The following SLC24A2 variants were observed in gnomAD, a reference collection of about 807,000 sequenced individuals.
The protein encoded by SLC24A2 is solute carrier family 24 member 2.
In SLC24A2, 36 loss-of-function variants were observed where a neutral mutation model predicts 62.0. That is an observed-to-expected ratio of 0.58 (90% confidence interval 0.44 to 0.77). The LOEUF (loss-of-function observed/expected upper bound fraction) is 0.77. SLC24A2 is among the 30% of genes least tolerant of loss of function. The pLI is 0.00. For synonymous variants in SLC24A2, 358 were observed against 294.0 expected (o/e 1.22, Z -2.23); for missense variants, 846 against 817.9 (o/e 1.03, Z -0.42).
At chr9:20,057,244 C>A in the SLC24A2 span, among the ~76,000 whole-genome samples, 1 of 152,150 alleles carries the variant, frequency 6.6e-6, no homozygotes, top group Non-Finnish European at 1.5e-5. Context: ...TAAATTTGAG[C>A]GTGTGATGCT....
chr9:19,575,285 T>C (rs1467856352), intron 6 of SLC24A2, among the ~76,000 whole-genome samples: 1 of 152,198 alleles, frequency 6.6e-6, no homozygotes, highest in East Asian at 1.9e-4. Flanking sequence ...TAAAAAATCA[T>C]GAAGAACCTT....
At chr9:19,889,086 G>A in the SLC24A2 span, among the ~76,000 whole-genome samples, 1 of 152,158 alleles carries the variant, frequency 6.6e-6, no homozygotes, top group Non-Finnish European at 1.5e-5. Context: ...TGAATAAGCA[G>A]GTGCCTGGCA....
chr9:19,669,468 A>G (rs1165854766), intron 2 of SLC24A2, among the ~76,000 whole-genome samples: 1 of 152,220 alleles, frequency 6.6e-6, no homozygotes, highest in Non-Finnish European at 1.5e-5. Flanking sequence ...ACCACAATAA[A>G]TAACCACAAA....
At chr9:19,542,198 A>C (rs1834301344) in intron 8 of SLC24A2, among the ~76,000 whole-genome samples, 2 of 152,010 alleles carry the variant, frequency 1.3e-5, no homozygotes. Flanking sequence ...TGTAGACCGG[A>C]GCTGTTCCTA....
At chr9:19,747,369 T>A (rs1222277048) in intron 2 of SLC24A2, among the ~76,000 whole-genome samples, 1 of 152,188 alleles carries the variant, frequency 6.6e-6, no homozygotes, top group African/African-American at 2.4e-5. Flanking sequence ...ATAGGTTTCA[T>A]AAAATACACA....
At chr9:20,004,163 C>G in the SLC24A2 span, among the ~76,000 whole-genome samples, 1 of 152,266 alleles carries the variant, frequency 6.6e-6, no homozygotes, top group South Asian at 2.1e-4. Context: ...TAACAAGCAC[C>G]TAATAGATGA....
chr9:19,887,202 T>G, the SLC24A2 span, among the ~76,000 whole-genome samples: 1 of 152,160 alleles, frequency 6.6e-6, no homozygotes, highest in Non-Finnish European at 1.5e-5. Flanking sequence ...CCCTGGAACT[T>G]AAAATTTTTA....
At chr9:20,172,963 C>T in the SLC24A2 span, among the ~76,000 whole-genome samples, 10 of 152,020 alleles carry the variant, frequency 6.6e-5, no homozygotes, top group South Asian at 2.1e-4. Flanking sequence ...AATCCAACAA[C>T]GTATCAAAAG....
At chr9:19,561,766 G>A (rs1358832011) in intron 7 of SLC24A2, among the ~76,000 whole-genome samples, 1 of 139,468 alleles carries the variant, frequency 7.2e-6, no homozygotes, top group Admixed American at 7.7e-5. Flanking sequence ...ATCGTTGCTT[G>A]CCTGATGGTA....
chr9:19,565,766 A>G (rs146675805), intron 7 of SLC24A2, among the ~76,000 whole-genome samples: 1,552 of 152,180 alleles, frequency 0.01, 27 homozygotes, highest in African/African-American at 0.034. Flanking sequence ...CCAAAACAGA[A>G]ATATAGACCA....
chr9:19,604,939 C>T (rs1203811176), intron 4 of SLC24A2, among the ~76,000 whole-genome samples: 1 of 152,172 alleles, frequency 6.6e-6, no homozygotes, highest in Non-Finnish European at 1.5e-5. Flanking sequence ...GTAGAATGTT[C>T]ATACAATCCT....
chr9:20,138,941 T>C, the SLC24A2 span, among the ~76,000 whole-genome samples: 1 of 152,178 alleles, frequency 6.6e-6, no homozygotes, highest in Non-Finnish European at 1.5e-5. Context: ...TTCAACTTCA[T>C]CTTCAAAAAG....
At chr9:19,836,156 A>C in the SLC24A2 span, among the ~76,000 whole-genome samples, 87 of 152,328 alleles carry the variant, frequency 5.7e-4, no homozygotes, top group African/African-American at 1.3e-3. Flanking sequence ...CTAACATCAC[A>C]ATTAAAAGAA....
At chr9:19,548,398 T>G (rs1834684940) in intron 8 of SLC24A2, among the ~76,000 whole-genome samples, 1 of 152,162 alleles carries the variant, frequency 6.6e-6, no homozygotes, top group Non-Finnish European at 1.5e-5. Context: ...TAAATTAACT[T>G]CTTTGTGCCT....
At chr9:19,916,981 G>GTTTTTTTTTTT in the SLC24A2 span, among the ~76,000 whole-genome samples, 4 of 72,020 alleles carry the variant, frequency 5.6e-5, no homozygotes, top group South Asian at 5.5e-4. Context: ...TAACTTACCT[G>GTTTTTTTTTTT]TTTTTTTTTT....
At chr9:19,950,810 A>C in the SLC24A2 span, among the ~76,000 whole-genome samples, 1 of 152,210 alleles carries the variant, frequency 6.6e-6, no homozygotes, top group Admixed American at 6.5e-5. Flanking sequence ...ACTAGCTTGG[A>C]AAATGTAAAC....
At chr9:19,975,368 T>C in the SLC24A2 span, among the ~76,000 whole-genome samples, 1 of 152,202 alleles carries the variant, frequency 6.6e-6, no homozygotes, top group African/African-American at 2.4e-5. Flanking sequence ...GCCTGAACTC[T>C]GCTACATGAA....
At chr9:20,025,819 C>T in the SLC24A2 span, among the ~76,000 whole-genome samples, 2 of 151,992 alleles carry the variant, frequency 1.3e-5, no homozygotes, top group Non-Finnish European at 1.5e-5. Context: ...ATCTGCTTGC[C>T]AACAGTTTTT....
the SLC24A2 span, among the ~76,000 whole-genome samples, chr9:20,035,130 G>A: frequency 2.6e-5 from 4 of 152,110 alleles, no homozygotes; most frequent in South Asian, 8.3e-4. Flanking sequence ...CTAGGGCTGA[G>A]TCCTAGTTCT....
Sources: gnomAD v4.1 joint callset for allele counts (sites outside exome capture counted in the v4.1 genomes callset) on GRCh38, gnomAD v4.1.1 for gene constraint, MANE v1.5 for transcripts, NCBI Gene and HGNC (gene_info 2026-07-23, HGNC 2026-07-21) for gene names.